Variants in VPS36 observed in about 807,000 individuals in gnomAD.
VPS36 encodes the protein vacuolar protein-sorting-associated protein 36.
Under a neutral mutation model 63.5 loss-of-function variants are expected in VPS36, and 31 were observed. That is an observed-to-expected ratio of 0.49 (90% CI 0.37 to 0.66). The LOEUF (loss-of-function observed/expected upper bound fraction) is 0.66, where lower values mean the gene tolerates loss of function less well. Ranked by LOEUF, VPS36 falls within the 30% of genes least tolerant of loss-of-function variation. The probability of loss-of-function intolerance (pLI) is 0.00; values close to 1 mark genes in which losing one functional copy is unlikely to be tolerated. For synonymous variants in VPS36, 138 were observed against 157.2 expected (o/e 0.88, Z 0.91); for missense variants, 338 against 463.7 (o/e 0.73, Z 2.49).
At chr13:52,434,943 T>C in intron 4 of VPS36, 61 bp from the exon 5 acceptor site, 1 of 1,365,800 alleles carries the variant, frequency 7.3e-7, no homozygotes, top group Non-Finnish European at 1.0e-6. Context: ...CTTGTATAAA[T>C]CATTACTTAA....
chr13:52,435,211 T>C (rs367872990), intron 4 of VPS36, among the ~76,000 whole-genome samples: 6 of 152,002 alleles, frequency 3.9e-5, no homozygotes, highest in African/African-American at 1.2e-4. Flanking sequence ...CCTCAGGTGA[T>C]CTGCCCGCCT....
Position 52,426,079 on chromosome 13 carries a change from A to G in VPS36, c.640-13T>C. 6 of 1,606,000 alleles carry G rather than the reference A, an allele frequency of 3.7e-6. No homozygotes were observed. Among genetic ancestry groups the G allele is most frequent in the Non-Finnish European group, 5.1e-6 (6 of 1,178,044 alleles). On this transcript the variant is annotated splice_polypyrimidine_tract_variant and intron_variant, in intron 8 of 13. Coordinates refer to ENST00000378060, the MANE Select transcript of VPS36 (RefSeq NM_016075.4). ...TAAACCTGATGGTCTATAATAAAAA[A>G]GGAGAAAATGCAGAATTAGTCTCTC...
At chr13:52,437,577 A>C (rs1958231714) in intron 3 of VPS36, among the ~76,000 whole-genome samples, 1 of 152,196 alleles carries the variant, frequency 6.6e-6, no homozygotes, top group Non-Finnish European at 1.5e-5. Flanking sequence ...AGTCTATGCC[A>C]AGTTTTGTGT....
At chr13:52,417,782 C>A (rs1958007098) in intron 11 of VPS36, among the ~76,000 whole-genome samples, 1 of 152,184 alleles carries the variant, frequency 6.6e-6, no homozygotes, top group Admixed American at 6.5e-5. Flanking sequence ...TGGGAAGAAC[C>A]CACATTCTTA....
chr13:52,426,129 A>C (rs1160605495), intron 8 of VPS36, 63 bp from the exon 9 acceptor site: 31 of 1,583,782 alleles, frequency 2.0e-5, no homozygotes, highest in Non-Finnish European at 2.6e-5. Flanking sequence ...AAATTCTTCC[A>C]TCACAAATTC....
chr13:52,420,490 G>A (rs1358250251), intron 10 of VPS36, among the ~76,000 whole-genome samples: 1 of 151,308 alleles, frequency 6.6e-6, no homozygotes, highest in East Asian at 2.0e-4. Flanking sequence ...CTGCCACCAC[G>A]CCCGGCTAAT....
intron 1 of VPS36, chr13:52,449,979 A>G: frequency 2.0e-6 from 2 of 985,752 alleles, no homozygotes; most frequent in Non-Finnish European, 2.4e-6. Context: ...CTGCCCAGAT[A>G]TGCTAATCCC....
chr13:52,439,498 T>G (rs996970970), intron 2 of VPS36, among the ~76,000 whole-genome samples: 1 of 152,098 alleles, frequency 6.6e-6, no homozygotes, highest in African/African-American at 2.4e-5. Context: ...CAGGCTGGAG[T>G]GCAGTGGCGT....
Position 52,415,587 on chromosome 13 carries a change from C to A in VPS36, c.*243G>T. The A allele has an allele frequency of 2.7e-6, 1 of 366,490 alleles. No homozygotes were observed. The highest frequency in any genetic ancestry group is 4.9e-6 in the Non-Finnish European group (1 of 202,082). The allele number at this position is 366,490 out of a possible 1,614,324, so 22.7% of individuals were successfully genotyped here. A position where few individuals can be genotyped will look rare whatever the true frequency, so the allele number is the denominator to read the frequency against. Reference sequence around the variant, plus strand: ...AATCCACTATATTCCAAGTTAAACTCTGAGGGTTCTGCACTATAGCATGAT... The same window carrying A: ...AATCCACTATATTCCAAGTTAAACTATGAGGGTTCTGCACTATAGCATGAT... On this transcript the variant is annotated 3_prime_UTR_variant, in exon 14 of 14. Coordinates refer to ENST00000378060, the MANE Select transcript of VPS36 (RefSeq NM_016075.4).
chr13:52,415,985 A>G (rs767631206), intron 13 of VPS36, 32 bp downstream of exon 13: 2 of 1,612,916 alleles, frequency 1.2e-6, no homozygotes, highest in South Asian at 1.1e-5. Context: ...ACACAAACAT[A>G]CATTGTAATG....
chr13:52,429,776 C>T (rs779163313), intron 6 of VPS36, among the ~76,000 whole-genome samples: 1 of 152,088 alleles, frequency 6.6e-6, no homozygotes, highest in Non-Finnish European at 1.5e-5. Context: ...TTCAACATAA[C>T]ATTGAGTTAG....
At chr13:52,431,468 A>C (rs983022962) in intron 6 of VPS36, among the ~76,000 whole-genome samples, 3 of 152,238 alleles carry the variant, frequency 2.0e-5, no homozygotes, top group Admixed American at 2.0e-4. Context: ...TTTCCCACTA[A>C]AAGAAACCAG....
chr13:52,422,717 CA>C (rs1958058810), intron 10 of VPS36, among the ~76,000 whole-genome samples: 1 of 152,156 alleles, frequency 6.6e-6, no homozygotes, highest in Admixed American at 6.5e-5. Flanking sequence ...CATGTTCCCA[CA>C]AAAGAATTAT....
At chr13:52,416,770 C>T (rs1369483372) in intron 12 of VPS36, among the ~76,000 whole-genome samples, 2 of 152,088 alleles carry the variant, frequency 1.3e-5, no homozygotes, top group Non-Finnish European at 2.9e-5. Context: ...AAGTTAAAAA[C>T]CTGTTCTCAA....
chr13:52,415,863 A>G lies in VPS36; in HGVS notation c.1128T>C (p.Arg376=). 6.2e-7 allele frequency: 1 copy of G among 1,614,120 alleles called. No individual in the cohort carries two copies. The highest frequency in any genetic ancestry group is 8.5e-7 in the Non-Finnish European group (1 of 1,180,004). The change falls in exon 14 of 14, where the codon CGT becomes CGC. Residue 376 remains arginine (R), a synonymous_variant. Transcript: ENST00000378060. The part of the protein sequence containing the change: ...LCRDDSVEGL[R]FYPNLFMTQS ...GTGTCATAAATAAATTTGGGTAAAA[A>G]CGCAGGCCTTCCACTGAGTCATCAC... is the stretch of plus-strand genomic sequence containing the variant.
chr13:52,450,484 T>A lies in VPS36; in HGVS notation c.96+15A>T. On this transcript the variant is annotated intron_variant, in intron 1 of 13. Coordinates refer to ENST00000378060, the MANE Select transcript of VPS36 (RefSeq NM_016075.4). ...CCTTCCGCCAGCCCGTTGGGAAGGT[T>A]GGCAGACGCCCTACCTTCTCCTCGC... 6.3e-7 allele frequency: 1 copy of A among 1,585,470 alleles called. No homozygotes were observed. The highest frequency in any genetic ancestry group is 1.1e-5 in the South Asian group (1 of 88,448).
chr13:52,418,919 C>T (rs1427269926), intron 10 of VPS36, among the ~76,000 whole-genome samples: 1 of 152,220 alleles, frequency 6.6e-6, no homozygotes, highest in Non-Finnish European at 1.5e-5. Flanking sequence ...CCAGTCCAGC[C>T]CAGATCCAAA....
chr13:52,432,456 T>C (rs1958169584), intron 6 of VPS36, among the ~76,000 whole-genome samples: 3 of 152,332 alleles, frequency 2.0e-5, no homozygotes, highest in African/African-American at 7.2e-5. Context: ...GAAAATGCAA[T>C]TATCCTGCCT....
intron 5 of VPS36, 52 bp downstream of exon 5, chr13:52,434,741 G>T: frequency 1.4e-6 from 2 of 1,467,312 alleles, no homozygotes; most frequent in Non-Finnish European, 1.9e-6. Context: ...TCTTAATGAA[G>T]ATGTAAGTAC....
Sources: allele counts gnomAD v4.1 joint callset (sites outside exome capture counted in the v4.1 genomes callset), GRCh38; gene constraint gnomAD v4.1.1; transcripts MANE v1.5; gene names NCBI Gene and HGNC (gene_info 2026-07-23, HGNC 2026-07-21).